The following PTPRN2 variants were observed in gnomAD, a reference collection of about 807,000 sequenced individuals.
PTPRN2 encodes protein tyrosine phosphatase receptor type N2.
PTPRN2 carries 74 observed loss-of-function variants against 118.8 expected under a neutral mutation model. That is an observed-to-expected ratio of 0.62 (90% CI 0.52 to 0.76). The LOEUF is 0.76. PTPRN2 is among the 30% of genes least tolerant of loss of function. PTPRN2 has a pLI of 0.00. For synonymous variants in PTPRN2, 641 were observed against 608.0 expected (o/e 1.05, Z -0.80); for missense variants, 1,481 against 1,394.4 (o/e 1.06, Z -0.99).
chr7:157,582,914 A>G (rs1800475722), intron 17 of PTPRN2, among the ~76,000 whole-genome samples: 1 of 151,948 alleles, frequency 6.6e-6, no homozygotes, highest in East Asian at 1.9e-4. Context: ...TAAAACCAGT[A>G]TGGAGAGCCT....
intron 1 of PTPRN2, among the ~76,000 whole-genome samples, chr7:158,503,904 G>C (rs1822557800): frequency 6.6e-6 from 1 of 151,974 alleles, no homozygotes; most frequent in Non-Finnish European, 1.5e-5. Flanking sequence ...GGGGGGCCAA[G>C]GCAGGAGAAT....
At chr7:158,169,209 T>C (rs992843919) in intron 5 of PTPRN2, among the ~76,000 whole-genome samples, 1 of 152,112 alleles carries the variant, frequency 6.6e-6, no homozygotes, top group Non-Finnish European at 1.5e-5. Flanking sequence ...ACCTGGGAGT[T>C]GGGAAGTGGG....
At chr7:158,516,570 T>C (rs1271685422) in intron 1 of PTPRN2, among the ~76,000 whole-genome samples, 2 of 151,996 alleles carry the variant, frequency 1.3e-5, no homozygotes. Flanking sequence ...GTGCTGTTCT[T>C]GGTGCTCCTG....
At chr7:158,021,292 G>C (rs893336707) in intron 11 of PTPRN2, among the ~76,000 whole-genome samples, 2 of 152,136 alleles carry the variant, frequency 1.3e-5, no homozygotes, top group Non-Finnish European at 2.9e-5. Context: ...GTAATTATAA[G>C]GGAAAACAAG....
At chr7:158,091,626 G>C (rs1231646731) in intron 10 of PTPRN2, among the ~76,000 whole-genome samples, 1 of 150,674 alleles carries the variant, frequency 6.6e-6, no homozygotes, top group Non-Finnish European at 1.5e-5. Context: ...TTGGGTGAGT[G>C]GGTGGGTGGG....
intron 2 of PTPRN2, among the ~76,000 whole-genome samples, chr7:158,317,461 G>A (rs1013359172): frequency 2.0e-5 from 3 of 152,226 alleles, no homozygotes; most frequent in Non-Finnish European, 2.9e-5. Context: ...GCTGGCGAAC[G>A]GTGTGGGACT....
At chr7:157,816,950 C>T (rs1186710531) in intron 12 of PTPRN2, among the ~76,000 whole-genome samples, 1 of 152,240 alleles carries the variant, frequency 6.6e-6, no homozygotes. Flanking sequence ...CAGGGGTCCC[C>T]ACATCCAGGG....
rs1005602727 is a variant in PTPRN2 at position 158,517,249 on chromosome 7, G to C, written c.113-27464C>G. Among the ~76,000 whole-genome samples the C allele has an allele frequency of 6.6e-6, 1 of 152,174 alleles. No individual in the cohort carries two copies. The highest frequency in any genetic ancestry group is 1.5e-5 in the Non-Finnish European group (1 of 68,034). The stretch of plus-strand genomic sequence containing the variant: ...GCCCCACAGGCTTCCTCCTCACTTC[G>C]GGGGTGCAAGCCTGCAAGACCAAAC... On this transcript the variant is annotated intron_variant, in intron 1 of 22. Transcript: ENST00000389418. The surrounding 1 kb of genome is among the most constrained non-coding windows in gnomAD (Gnocchi z 5.3).
At chr7:158,240,749 G>C (rs1795860386) in intron 3 of PTPRN2, among the ~76,000 whole-genome samples, 1 of 152,152 alleles carries the variant, frequency 6.6e-6, no homozygotes, top group Admixed American at 6.5e-5. Flanking sequence ...CTTTCTAATG[G>C]CAAAAGGCTT....
chr7:158,175,949 G>T (rs931764964), intron 5 of PTPRN2, among the ~76,000 whole-genome samples: 2 of 151,942 alleles, frequency 1.3e-5, no homozygotes, highest in Admixed American at 1.3e-4. Context: ...ACACCGTGAG[G>T]CCAGTGCTGA....
At chr7:157,793,770 C>T (rs1431855379) in intron 12 of PTPRN2, among the ~76,000 whole-genome samples, 1 of 152,172 alleles carries the variant, frequency 6.6e-6, no homozygotes, top group Non-Finnish European at 1.5e-5. Flanking sequence ...TCGTGGCACC[C>T]CTGGCACCAC....
At chr7:158,017,100 C>T (rs1004006088) in intron 11 of PTPRN2, among the ~76,000 whole-genome samples, 6 of 152,204 alleles carry the variant, frequency 3.9e-5, no homozygotes, top group Admixed American at 3.3e-4. Context: ...CGTTAACAAA[C>T]GCCATGGCAA....
chr7:158,096,797 C>T (rs1814663540), intron 10 of PTPRN2, among the ~76,000 whole-genome samples: 1 of 152,220 alleles, frequency 6.6e-6, no homozygotes, highest in African/African-American at 2.4e-5. Context: ...AGCAACATTG[C>T]CCGTGAGGGC....
intron 3 of PTPRN2, among the ~76,000 whole-genome samples, chr7:158,241,652 C>A (rs1242737309): frequency 6.6e-6 from 1 of 152,186 alleles, no homozygotes; most frequent in Non-Finnish European, 1.5e-5. Context: ...AGTGTTCACG[C>A]CCTGTTTTGG....
intron 3 of PTPRN2, among the ~76,000 whole-genome samples, chr7:158,272,963 G>C (rs1186770689): frequency 6.6e-6 from 1 of 152,140 alleles, no homozygotes; most frequent in African/African-American, 2.4e-5. Context: ...TGGGACTCTC[G>C]TTTCACTCAT....
At chr7:158,090,919 G>A (rs565743006) in intron 10 of PTPRN2, among the ~76,000 whole-genome samples, 1 of 152,254 alleles carries the variant, frequency 6.6e-6, no homozygotes, top group South Asian at 2.1e-4. Context: ...TTAGTTTTCA[G>A]GGCATGACAC....
chr7:158,402,824 C>A (rs538740666), intron 2 of PTPRN2, among the ~76,000 whole-genome samples: 4 of 152,146 alleles, frequency 2.6e-5, no homozygotes, highest in African/African-American at 2.4e-5. Context: ...GGGGGCTCAA[C>A]CCAGGCCAGG....
At chr7:158,212,557 G>T (rs762722635) in intron 3 of PTPRN2, among the ~76,000 whole-genome samples, 53 of 152,088 alleles carry the variant, frequency 3.5e-4, no homozygotes, top group Admixed American at 2.3e-3. Flanking sequence ...GACTTAATGG[G>T]TGCTGACTAT....
At chr7:158,317,231 T>C (rs766999343) in intron 2 of PTPRN2, among the ~76,000 whole-genome samples, 69 of 152,278 alleles carry the variant, frequency 4.5e-4, no homozygotes, top group Non-Finnish European at 9.4e-4. Context: ...TAATTTCACA[T>C]TTTTTATGTA....
Sources: allele counts gnomAD v4.1 joint callset (sites outside exome capture counted in the v4.1 genomes callset), GRCh38; gene constraint gnomAD v4.1.1; non-coding constraint Gnocchi (gnomAD v3.1); transcripts MANE v1.5; gene names NCBI Gene and HGNC (gene_info 2026-07-23, HGNC 2026-07-21).